Variants in CATSPERB observed in about 807,000 individuals in gnomAD.
The protein encoded by CATSPERB is cation channel sperm-associated auxiliary subunit beta.
Under a neutral mutation model 128.3 loss-of-function variants are expected in CATSPERB, and 93 were observed. That is an observed-to-expected ratio of 0.72 (90% CI 0.61 to 0.86). CATSPERB has a LOEUF of 0.86. CATSPERB is among the 40% of genes least tolerant of loss of function. The pLI is 0.00. For synonymous variants in CATSPERB, 381 were observed against 448.8 expected (o/e 0.85, Z 1.91); for missense variants, 1,153 against 1,329.5 (o/e 0.87, Z 2.06).
At chr14:91,596,304 C>T (rs572855725) in intron 22 of CATSPERB, among the ~76,000 whole-genome samples, 13 of 152,084 alleles carry the variant, frequency 8.5e-5, no homozygotes, top group South Asian at 8.3e-4. Context: ...CCCGGGTTCA[C>T]GCCATTCTCC....
At position 91,674,198 on chromosome 14, in the gene CATSPERB, T is replaced by C; in HGVS notation, c.956A>G (p.Glu319Gly). 1 of 1,543,328 alleles carries C rather than the reference T, an allele frequency of 6.5e-7. No individual in the cohort carries two copies. Among genetic ancestry groups the C allele is most frequent in the East Asian group, 2.3e-5 (1 of 44,182 alleles). The change falls in exon 12 of 27, where the codon GAG (glutamate) becomes GGG (glycine). Residue 319 changes from glutamate (E) to glycine (G), a missense_variant. By Grantham distance (98) the Glu-to-Gly change is moderately conservative. Transcript: ENST00000256343. ...TACCTCACTTAGGGTTCTGTTTCTC[T>C]CAAAGGTAACTGTAACATAATCAAC... ...FEVDYVTVTF[E>G]RNRTLSESSS...
At chr14:91,587,724 T>C (rs567896736) in intron 25 of CATSPERB, among the ~76,000 whole-genome samples, 1 of 152,142 alleles carries the variant, frequency 6.6e-6, no homozygotes, top group East Asian at 1.9e-4. Flanking sequence ...CCCTTTCACT[T>C]TCGGAAACAC....
At chr14:91,693,690 T>C (rs1895510599) in intron 7 of CATSPERB, among the ~76,000 whole-genome samples, 2 of 152,236 alleles carry the variant, frequency 1.3e-5, no homozygotes, top group South Asian at 4.1e-4. Context: ...CTGGGAATAA[T>C]ATGCCCTTAA....
intron 26 of CATSPERB, among the ~76,000 whole-genome samples, chr14:91,582,895 C>T (rs1893229412): frequency 6.6e-6 from 1 of 152,176 alleles, no homozygotes; most frequent in Non-Finnish European, 1.5e-5. Flanking sequence ...CATGGGTACA[C>T]ACTACAACAT....
intron 22 of CATSPERB, among the ~76,000 whole-genome samples, chr14:91,594,187 T>C (rs1368557028): frequency 6.6e-6 from 1 of 152,142 alleles, no homozygotes; most frequent in East Asian, 1.9e-4. Flanking sequence ...GGGACATGGA[T>C]GAAACTGGAA....
chr14:91,677,788 C>T (rs1895216369), intron 11 of CATSPERB, among the ~76,000 whole-genome samples: 1 of 152,148 alleles, frequency 6.6e-6, no homozygotes, highest in Non-Finnish European at 1.5e-5. Context: ...TACTGTATTG[C>T]AGCACTAGTT....
intron 5 of CATSPERB, chr14:91,709,689 C>CGAA (rs1895802193): frequency 1.0e-5 from 1 of 97,012 alleles, no homozygotes. Flanking sequence ...GACTCCATCT[C>CGAA]AAAAAAACAA....
chr14:91,679,586 A>G (rs1041187846), intron 11 of CATSPERB, among the ~76,000 whole-genome samples: 1 of 152,222 alleles, frequency 6.6e-6, no homozygotes, highest in Admixed American at 6.5e-5. Context: ...TAAGGTTTTT[A>G]CAGCCACATA....
In CATSPERB at chr14:91,589,174, C is replaced by T. The variant is rs75735358; in HGVS notation, c.2956+360G>A. Among the ~76,000 whole-genome samples the T allele has an allele frequency of 8.0e-3, 1,215 of 152,286 alleles. 19 individuals carry two copies. The highest frequency in any genetic ancestry group is 0.028 in the African/African-American group (1,145 of 41,558). On this transcript the variant is annotated intron_variant, in intron 24 of 26. Coordinates refer to ENST00000256343, the MANE Select transcript of CATSPERB (RefSeq NM_024764.4). ...AAGACAGATCCTAAAGATTATCTGG[C>T]CCCACCTTTTACAACCTCCTCTGTC... is the stretch of plus-strand genomic sequence containing the variant.
chr14:91,668,975 T>C (rs1270051922), intron 14 of CATSPERB, among the ~76,000 whole-genome samples: 1 of 152,178 alleles, frequency 6.6e-6, no homozygotes, highest in South Asian at 2.1e-4. Context: ...CCAGACACAA[T>C]GATTGTAAGT....
intron 14 of CATSPERB, among the ~76,000 whole-genome samples, chr14:91,660,608 G>T (rs868172684): frequency 6.6e-6 from 1 of 152,084 alleles, no homozygotes; most frequent in Non-Finnish European, 1.5e-5. Flanking sequence ...AGTTGCTACC[G>T]CTTTTAATAG....
chr14:91,676,859 T>C (rs1453876333), intron 11 of CATSPERB, among the ~76,000 whole-genome samples: 2 of 152,310 alleles, frequency 1.3e-5, no homozygotes, highest in African/African-American at 2.4e-5. Context: ...AGCATGGTAC[T>C]GGTACCAAAA....
chr14:91,663,860 C>T (rs968885731), intron 14 of CATSPERB, among the ~76,000 whole-genome samples: 9 of 152,024 alleles, frequency 5.9e-5, no homozygotes, highest in Admixed American at 5.9e-4. Flanking sequence ...CGTATATTTA[C>T]ATTGTAGTGG....
At chr14:91,635,175 T>C (rs1894349635) in intron 17 of CATSPERB, among the ~76,000 whole-genome samples, 1 of 152,132 alleles carries the variant, frequency 6.6e-6, no homozygotes. Flanking sequence ...AGAGTCCTCA[T>C]GACCTAGTCA....
chr14:91,723,463 A>G (rs889549792), intron 3 of CATSPERB, among the ~76,000 whole-genome samples: 5 of 152,252 alleles, frequency 3.3e-5, no homozygotes, highest in Admixed American at 6.5e-5. Flanking sequence ...AGAAATTCCA[A>G]TTTTATTAAA....
chr14:91,592,992 G>T (rs1297699069), intron 22 of CATSPERB, among the ~76,000 whole-genome samples: 2 of 152,226 alleles, frequency 1.3e-5, no homozygotes, highest in African/African-American at 4.8e-5. Flanking sequence ...GCTGAAAGGG[G>T]CCAACGCACA....
At chr14:91,621,083 T>C (rs962678207) in intron 19 of CATSPERB, among the ~76,000 whole-genome samples, 1 of 152,210 alleles carries the variant, frequency 6.6e-6, no homozygotes, top group African/African-American at 2.4e-5. Flanking sequence ...TTTTTAGGGT[T>C]GTTATAAACA....
chr14:91,649,538 C>G (rs1894669756), intron 15 of CATSPERB, among the ~76,000 whole-genome samples: 3 of 151,012 alleles, frequency 2.0e-5, no homozygotes, highest in Non-Finnish European at 1.5e-5. Flanking sequence ...TGCCTGTCAC[C>G]CAGGCTGGAG....
chr14:91,604,648 C>T (rs1160096633), intron 22 of CATSPERB: 4 of 1,612,020 alleles, frequency 2.5e-6, no homozygotes, highest in Non-Finnish European at 3.4e-6. Flanking sequence ...TGCACCAGGT[C>T]TGAGTGTTCC....
Sources: gnomAD v4.1 joint callset for allele counts (sites outside exome capture counted in the v4.1 genomes callset) on GRCh38, gnomAD v4.1.1 for gene constraint, MANE v1.5 for transcripts, NCBI Gene and HGNC (gene_info 2026-07-23, HGNC 2026-07-21) for gene names.